Variants in RUFY2 observed in about 807,000 individuals in gnomAD.
RUFY2 encodes RUN and FYVE domain containing 2, also known as RUN and FYVE domain-containing protein 2.
Under a neutral mutation model 94.4 loss-of-function variants are expected in RUFY2, and 49 were observed. The observed-to-expected ratio is 0.52, with a 90% confidence interval of 0.41 to 0.66. The LOEUF (loss-of-function observed/expected upper bound fraction) is 0.66. Among genes scored for constraint, RUFY2 ranks in the 30% least tolerant of loss-of-function variants. RUFY2 has a pLI of 0.00. For missense variants in RUFY2, 541 were observed against 692.8 expected (o/e 0.78, Z 2.46); for synonymous variants, 255 against 235.7 (o/e 1.08, Z -0.75).
downstream of RUFY2, chr10:68,343,171 A>G (rs886245915): frequency 6.6e-5 from 10 of 152,208 alleles, no homozygotes; most frequent in Non-Finnish European, 1.2e-4. Context: ...TGTTATTAAT[A>G]AATGTCATTG....
At chr10:68,373,916 GCAACATAC>G (rs1237376731) in intron 13 of RUFY2, among the ~76,000 whole-genome samples, 1 of 151,914 alleles carries the variant, frequency 6.6e-6, no homozygotes, top group Non-Finnish European at 1.5e-5. Flanking sequence ...ATCAGTGTGG[GCAACATAC>G]CAAGACCTTG....
chr10:68,395,253 G>C (rs2050306392), intron 4 of RUFY2, among the ~76,000 whole-genome samples: 1 of 151,822 alleles, frequency 6.6e-6, no homozygotes, highest in South Asian at 2.1e-4. Flanking sequence ...CAGGAGAATT[G>C]CCTGAACCCA....
chr10:68,355,344 T>C lies in RUFY2; in HGVS notation c.1599+9A>G. 6.2e-7 allele frequency: 1 copy of C among 1,605,764 alleles called. No homozygotes were observed. Among genetic ancestry groups the C allele is most frequent in the Non-Finnish European group, 8.5e-7 (1 of 1,173,250 alleles). The stretch of plus-strand genomic sequence containing the variant: ...ATACCTTCCCACTTTAGGAAAACGT[T>C]CTACTCACCTGCAATGCTTTGTTGG... On this transcript the variant is annotated intron_variant, in intron 16 of 17. Transcript: ENST00000602465.
At chr10:68,381,133 A>T in intron 11 of RUFY2, 99 bp downstream of exon 11, 1 of 799,258 alleles carries the variant, frequency 1.3e-6, no homozygotes, top group Non-Finnish European at 1.9e-6. Flanking sequence ...ATAATATTGC[A>T]CAGTTAAAAT....
intron 15 of RUFY2, among the ~76,000 whole-genome samples, chr10:68,357,318 C>T (rs1199727809): frequency 6.6e-6 from 1 of 151,490 alleles, no homozygotes; most frequent in Non-Finnish European, 1.5e-5. Context: ...AACCTCCGCC[C>T]CCAAGGTTCA....
intron 16 of RUFY2, among the ~76,000 whole-genome samples, chr10:68,354,884 T>C (rs567062330): frequency 1.1e-4 from 17 of 152,098 alleles, no homozygotes; most frequent in African/African-American, 3.6e-4. Context: ...TCTCGCTCTG[T>C]TGCCCAGGAT....
At chr10:68,403,858 C>CA (rs2051059232) in intron 2 of RUFY2, among the ~76,000 whole-genome samples, 1 of 150,760 alleles carries the variant, frequency 6.6e-6, no homozygotes, top group South Asian at 2.1e-4. Flanking sequence ...GTGCTACACT[C>CA]AGAGTTCACT....
At chr10:68,385,922 C>T (rs931294768) in intron 8 of RUFY2, 137 bp downstream of exon 8, 23 of 474,294 alleles carry the variant, frequency 4.8e-5, no homozygotes, top group Middle Eastern at 5.2e-4. Context: ...TCATCAGTTA[C>T]GACTATATTA....
In RUFY2 at chr10:68,407,210, C is replaced by A; in HGVS notation, c.-21G>T. On this transcript the variant is annotated 5_prime_UTR_variant, in exon 1 of 18. Transcript: ENST00000602465. ...CCCATGGCGGCGGCGGCTGCGCGGT[C>A]TCGGGCGGAGGCTCCCTCGGCCTGT... The A allele has an allele frequency of 7.1e-7, 1 of 1,404,866 alleles. No individual in the cohort carries two copies. The highest frequency in any genetic ancestry group is 1.6e-5 in the South Asian group (1 of 64,438). The allele number at this position is 1,404,866 out of a possible 1,614,324, so 87.0% of individuals were successfully genotyped here. A position where few individuals can be genotyped will look rare whatever the true frequency, so the allele number is the denominator to read the frequency against.
chr10:68,366,739 A>AATATAT (rs35377318), intron 13 of RUFY2, among the ~76,000 whole-genome samples: 34 of 117,866 alleles, frequency 2.9e-4, no homozygotes, highest in Middle Eastern at 4.5e-3. Context: ...GAGACTCTAA[A>AATATAT]ATATATATAT....
intron 3 of RUFY2, among the ~76,000 whole-genome samples, 178 bp downstream of exon 3, chr10:68,401,442 C>T (rs534840581): frequency 1.3e-5 from 2 of 152,194 alleles, no homozygotes; most frequent in Non-Finnish European, 2.9e-5. Context: ...AGAAAAACTT[C>T]ATAAAGGAAA....
chr10:68,383,142 C>G (rs904643581), intron 10 of RUFY2, among the ~76,000 whole-genome samples: 2 of 150,124 alleles, frequency 1.3e-5, no homozygotes, highest in Admixed American at 1.3e-4. Context: ...CTGGCCAACA[C>G]GGCAAAGCCC....
In RUFY2 at chr10:68,366,759, T is replaced by TAA. The variant is rs1554881596; in HGVS notation, c.1326-2648_1326-2647dup. ...TCTAAAATATATATATATATATATA[T>TAA]AATATTAAATATATTAAATAAATAA... On this transcript the variant is annotated intron_variant, in intron 13 of 17. Transcript: ENST00000602465. Among the ~76,000 whole-genome samples the TAA allele has an allele frequency of 8.3e-5, 11 of 131,848 alleles. 1 individual carries two copies. The highest frequency in any genetic ancestry group is 1.3e-4 in the African/African-American group (5 of 37,372). 86.5% of individuals were successfully genotyped at this position (131,848 alleles called of 152,430 possible).
chr10:68,383,769 T>C, intron 10 of RUFY2, 29 bp downstream of exon 10: 1 of 1,426,920 alleles, frequency 7.0e-7, no homozygotes, highest in Non-Finnish European at 9.9e-7. Flanking sequence ...CAGGATGATC[T>C]TGCTAATGTA....
intron 16 of RUFY2, among the ~76,000 whole-genome samples, chr10:68,348,512 T>A (rs2046437400): frequency 7.1e-6 from 1 of 141,122 alleles, no homozygotes; most frequent in African/African-American, 2.8e-5. Flanking sequence ...GGAAACTCTG[T>A]CTCTGAGGGG....
At chr10:68,387,612 G>A (rs1223554523) in intron 7 of RUFY2, among the ~76,000 whole-genome samples, 1 of 152,134 alleles carries the variant, frequency 6.6e-6, no homozygotes, top group East Asian at 1.9e-4. Flanking sequence ...TTCACAAATA[G>A]CACCAGGATG....
chr10:68,341,302 T>C (rs1311012548), downstream of RUFY2: 1 of 1,599,692 alleles, frequency 6.3e-7, no homozygotes, highest in Admixed American at 1.8e-5. Flanking sequence ...AAGATAAAAA[T>C]AACATGCGTA....
At chr10:68,374,925 CT>C (rs749995171) in intron 13 of RUFY2, among the ~76,000 whole-genome samples, 6 of 152,098 alleles carry the variant, frequency 3.9e-5, no homozygotes, top group Non-Finnish European at 8.8e-5. Context: ...AATCTGTATT[CT>C]TTAAAATCTT....
chr10:68,393,067 G>T, intron 7 of RUFY2, 71 bp downstream of exon 7: 1 of 742,794 alleles, frequency 1.3e-6, no homozygotes, highest in Non-Finnish European at 2.2e-6. Context: ...AAGGAATACG[G>T]TAAGCTGAAG....
Sources: allele counts gnomAD v4.1 joint callset (sites outside exome capture counted in the v4.1 genomes callset), GRCh38; gene constraint gnomAD v4.1.1; transcripts MANE v1.5; gene names NCBI Gene and HGNC (gene_info 2026-07-23, HGNC 2026-07-21).